The following ST8SIA1 variants were observed in gnomAD, a reference collection of about 807,000 sequenced individuals.
ST8SIA1 encodes alpha-N-acetylneuraminide alpha-2,8-sialyltransferase.
ST8SIA1 carries 16 observed loss-of-function variants against 35.9 expected under a neutral mutation model. The ratio of observed to expected loss-of-function variants is 0.45; its 90% CI spans 0.30 to 0.68. The LOEUF (loss-of-function observed/expected upper bound fraction) is 0.68. Ranked by LOEUF, ST8SIA1 falls within the 30% of genes least tolerant of loss-of-function variation. The pLI, the probability that ST8SIA1 is intolerant of heterozygous loss-of-function variation, is 0.09. For synonymous variants in ST8SIA1, 170 were observed against 169.6 expected (o/e 1.00, Z -0.02); for missense variants, 383 against 453.6 (o/e 0.84, Z 1.41).
chr12:22,287,209 A>G lies in ST8SIA1; in HGVS notation c.321T>C (p.Tyr107=). The change falls in exon 2 of 5, where the codon TAT becomes TAC. Residue 107 remains tyrosine, a synonymous_variant. Transcript: ENST00000396037. ...MNSPMGKSMW[Y]DGEFLYSFTI... is the part of the protein sequence containing the mutation. ...TGAATGAGTATAAAAACTCCCCGTC[A>G]TACCACATGCTCTTCCCCATAGGGG... is the stretch of plus-strand genomic sequence containing the variant. The G allele has an allele frequency of 6.2e-7, 1 of 1,614,178 alleles. No individual in the cohort carries two copies. Among genetic ancestry groups the G allele is most frequent in the Non-Finnish European group, 8.5e-7 (1 of 1,180,002 alleles).
At chr12:22,225,537 T>G (rs2120673424) in intron 4 of ST8SIA1, among the ~76,000 whole-genome samples, 1 of 152,306 alleles carries the variant, frequency 6.6e-6, no homozygotes, top group East Asian at 1.9e-4. Context: ...GAAACAAAAC[T>G]TGAGCTATTA....
chr12:22,232,689 A>G (rs1865433249), intron 4 of ST8SIA1, among the ~76,000 whole-genome samples: 1 of 152,162 alleles, frequency 6.6e-6, no homozygotes, highest in Non-Finnish European at 1.5e-5. Flanking sequence ...AGTGAATAAA[A>G]TAGGCCGGAC....
chr12:22,316,382 G>C (rs536066246), intron 1 of ST8SIA1, among the ~76,000 whole-genome samples: 81 of 152,270 alleles, frequency 5.3e-4, no homozygotes, highest in African/African-American at 1.9e-3. Context: ...GGATGGACTT[G>C]GCATTACAAA....
At chr12:22,238,678 C>A (rs999278018) in intron 4 of ST8SIA1, among the ~76,000 whole-genome samples, 6 of 152,190 alleles carry the variant, frequency 3.9e-5, no homozygotes, top group African/African-American at 1.2e-4. Flanking sequence ...ACTTCAATCT[C>A]CCCCTCCTAA....
chr12:22,276,950 C>T (rs2016977), intron 2 of ST8SIA1, among the ~76,000 whole-genome samples: 16,320 of 152,044 alleles, frequency 0.11, 1,104 homozygotes, highest in Middle Eastern at 0.24. Context: ...ACTGGCTTTC[C>T]ATTCCCTACA....
chr12:22,309,110 C>G (rs1458614599), intron 1 of ST8SIA1, among the ~76,000 whole-genome samples: 3 of 152,062 alleles, frequency 2.0e-5, no homozygotes, highest in African/African-American at 7.2e-5. Flanking sequence ...CCTAAGCCCC[C>G]CAAGCAACTG....
At chr12:22,255,233 G>A in intron 3 of ST8SIA1, 47 bp downstream of exon 3, 4 of 1,501,348 alleles carry the variant, frequency 2.7e-6, no homozygotes, top group South Asian at 1.1e-5. Context: ...GGAGGGGTGG[G>A]GAAAAGGAGA....
rs1455172702 is a variant in ST8SIA1, at chr12:22,334,106, G to A, written c.127C>T (p.Leu43Phe). 1 of 1,614,072 alleles carries A rather than the reference G, an allele frequency of 6.2e-7. No individual in the cohort carries two copies. Among genetic ancestry groups the A allele is most frequent in the East Asian group, 2.2e-5 (1 of 44,842 alleles). ...AGCCGGTAGACGGGGAAGATGTAGA[G>A]CCAACAGAGGACCACGACACAGAGG... Reference protein sequence around the residue: ...SALCVVVLCWLYIFPVYRLPN... With the variant: ...SALCVVVLCWFYIFPVYRLPN... The change falls in exon 1 of 5, where the codon CTC (leucine) becomes TTC (phenylalanine). Residue 43 changes from leucine to phenylalanine, a missense_variant. By Grantham distance (22) the Leu-to-Phe change is conservative. Transcript: ENST00000396037.
In ST8SIA1 at chr12:22,223,451, C is replaced by A. The variant is rs190917761; in HGVS notation, c.585-21413G>T. On this transcript the variant is annotated intron_variant, in intron 4 of 4. Transcript: ENST00000396037. Reference sequence around the variant, plus strand: ...TCCAAAGTGGAAAAGCTAAGAACTGCCTTTCTCAGACTTCTTTATAGCCGG... The same window carrying A: ...TCCAAAGTGGAAAAGCTAAGAACTGACTTTCTCAGACTTCTTTATAGCCGG... 1.5e-5 allele frequency: 14 copies of A among 938,056 alleles called. No homozygotes were observed. The Admixed American group carries it at 6.1e-4, about 41-fold the overall frequency. The allele number at this position is 938,056 out of a possible 1,614,324, so 58.1% of individuals were successfully genotyped here. A position where few individuals can be genotyped will look rare whatever the true frequency, so the allele number is the denominator to read the frequency against.
intron 2 of ST8SIA1, among the ~76,000 whole-genome samples, chr12:22,276,618 T>G (rs1276156684): frequency 6.6e-6 from 1 of 152,134 alleles, no homozygotes; most frequent in Non-Finnish European, 1.5e-5. Context: ...TGCCCGACTC[T>G]GGAGTACTGT....
At chr12:22,309,334 T>C (rs922580644) in intron 1 of ST8SIA1, among the ~76,000 whole-genome samples, 9 of 152,112 alleles carry the variant, frequency 5.9e-5, no homozygotes, top group African/African-American at 2.2e-4. Context: ...CCCCTCCTTT[T>C]TGCCTGATGA....
At chr12:22,280,970 TTC>T (rs1159575970) in intron 2 of ST8SIA1, among the ~76,000 whole-genome samples, 1 of 152,242 alleles carries the variant, frequency 6.6e-6, no homozygotes, top group Non-Finnish European at 1.5e-5. Flanking sequence ...GACTGTAACA[TTC>T]TCTGTTACTA....
rs1325542256 is a variant in ST8SIA1 at position 22,194,204 on chromosome 12, T to G, written c.*7348A>C. On this transcript the variant is annotated 3_prime_UTR_variant, in exon 5 of 5. Coordinates refer to ENST00000396037, the MANE Select transcript of ST8SIA1 (RefSeq NM_003034.4). The stretch of plus-strand genomic sequence containing the variant: ...TAAGGGGAGTGTCTATAGTAACCTA[T>G]CAACACCCAACGGTGCTCAAGACTG... 6.6e-6 allele frequency: 1 copy of G among 152,166 alleles called. No individual in the cohort carries two copies. Among genetic ancestry groups the G allele is most frequent in the Non-Finnish European group, 1.5e-5 (1 of 68,026 alleles). The allele number at this position is 152,166 out of a possible 1,614,324, so 9.4% of individuals were successfully genotyped here.
At chr12:22,215,358 G>C (rs544128590) in intron 4 of ST8SIA1, among the ~76,000 whole-genome samples, 16 of 152,070 alleles carry the variant, frequency 1.1e-4, no homozygotes, top group Non-Finnish European at 2.2e-4. Flanking sequence ...CATGTACCAG[G>C]TGCTGTTCTA....
At chr12:22,246,457 C>T (rs186286521) in intron 4 of ST8SIA1, among the ~76,000 whole-genome samples, 31 of 142,476 alleles carry the variant, frequency 2.2e-4, no homozygotes, top group Admixed American at 1.9e-3. Flanking sequence ...GATCTCATTC[C>T]GTAGCGTACA....
At chr12:22,226,397 CTAAATG>C (rs531196009) in intron 4 of ST8SIA1, among the ~76,000 whole-genome samples, 64 of 152,188 alleles carry the variant, frequency 4.2e-4, no homozygotes, top group African/African-American at 1.2e-3. Context: ...CACAATATGT[CTAAATG>C]TGGGTCTTTT....
rs1385570698 is a variant in ST8SIA1 at position 22,198,804 on chromosome 12, A to C, written c.*2748T>G. 1 of 152,160 alleles carries C rather than the reference A, an allele frequency of 6.6e-6. No homozygotes were observed. The highest frequency in any genetic ancestry group is 2.4e-5 in the African/African-American group (1 of 41,438). 9.4% of individuals were successfully genotyped at this position (152,160 alleles called of 1,614,324 possible). On this transcript the variant is annotated 3_prime_UTR_variant, in exon 5 of 5. Transcript: ENST00000396037. Reference sequence around the variant, plus strand: ...TACTACTGACATCTCAGCCTGGATAATTATTTTGCTGTGAGAGGCTGACTT... The same window carrying C: ...TACTACTGACATCTCAGCCTGGATACTTATTTTGCTGTGAGAGGCTGACTT...
At chr12:22,239,089 T>C (rs973867138) in intron 4 of ST8SIA1, among the ~76,000 whole-genome samples, 2 of 152,218 alleles carry the variant, frequency 1.3e-5, no homozygotes, top group South Asian at 4.1e-4. Context: ...TCGTTTTTAG[T>C]ATAATTATTC....
intron 4 of ST8SIA1, among the ~76,000 whole-genome samples, chr12:22,214,569 G>A (rs575532603): frequency 3.4e-5 from 5 of 146,228 alleles, no homozygotes; most frequent in African/African-American, 1.3e-4. Flanking sequence ...TCTGCAGGCC[G>A]GATTTGGCTT....
Sources: gnomAD v4.1 joint callset for allele counts (sites outside exome capture counted in the v4.1 genomes callset) on GRCh38, gnomAD v4.1.1 for gene constraint, MANE v1.5 for transcripts, NCBI Gene and HGNC (gene_info 2026-07-23, HGNC 2026-07-21) for gene names.